OTUD7A: variants seen among roughly 807,000 people sequenced by gnomAD.
OTUD7A encodes the protein OTU deubiquitinase 7A, also known as OTU domain-containing protein 7A.
A neutral mutation model predicts 65.7 loss-of-function variants in OTUD7A; 12 were observed. That is an observed-to-expected ratio of 0.18 (90% confidence interval 0.12 to 0.30). The LOEUF (loss-of-function observed/expected upper bound fraction) is 0.30. Among genes scored for constraint, OTUD7A ranks in the 10% least tolerant of loss-of-function variants. The pLI, the probability that OTUD7A is intolerant of heterozygous loss-of-function variation, is 1.00. For missense variants in OTUD7A, 1,148 were observed against 1,304.8 expected, an observed-to-expected ratio of 0.88 and a Z score of 1.85; for synonymous variants, 641 against 586.3, an observed-to-expected ratio of 1.09 and a Z score of -1.35.
chr15:31,539,460 C>T (rs2141133399), intron 5 of OTUD7A, among the ~76,000 whole-genome samples: 1 of 152,308 alleles, frequency 6.6e-6, no homozygotes, highest in East Asian at 1.9e-4. Flanking sequence ...TGTACGTGAA[C>T]TGGCTGGGAA....
chr15:31,767,856 G>T, intron 1 of OTUD7A: 2 of 1,054,130 alleles, frequency 1.9e-6, no homozygotes, highest in Non-Finnish European at 2.9e-6. Context: ...AATTCTGGAT[G>T]CCTTCGTGGT....
intron 3 of OTUD7A, among the ~76,000 whole-genome samples, chr15:31,577,695 G>A (rs58975032): frequency 0.23 from 34,786 of 151,630 alleles, 4,274 homozygotes; most frequent in African/African-American, 0.31. Flanking sequence ...GCAAGACTCC[G>A]TCTCAAAAAA....
chr15:31,753,226 CTT>C (rs561126606), intron 1 of OTUD7A, among the ~76,000 whole-genome samples: 2,114 of 146,264 alleles, frequency 0.014, 61 homozygotes, highest in African/African-American at 0.051. Flanking sequence ...AGGCAAATGA[CTT>C]TTTTTTTTTA....
chr15:31,485,362 A>G (rs1392217980), intron 12 of OTUD7A, among the ~76,000 whole-genome samples: 1 of 152,364 alleles, frequency 6.6e-6, no homozygotes, highest in East Asian at 1.9e-4. Context: ...AAATCGCTTC[A>G]GGAGTTCCTT....
intron 3 of OTUD7A, among the ~76,000 whole-genome samples, chr15:31,629,424 T>A (rs886984688): frequency 5.3e-5 from 8 of 152,242 alleles, no homozygotes; most frequent in African/African-American, 1.9e-4. Flanking sequence ...TAACCAGCCT[T>A]GCATCCCAGG....
chr15:31,483,493 C>T lies in OTUD7A; in HGVS notation c.2603G>A (p.Gly868Asp). 1 of 1,396,992 alleles carries T rather than the reference C, an allele frequency of 7.2e-7. No homozygotes were observed. Among genetic ancestry groups the T allele is most frequent in the Non-Finnish European group, 9.3e-7 (1 of 1,073,738 alleles). 86.5% of individuals were successfully genotyped at this position (1,396,992 alleles called of 1,614,324 possible). Reference protein sequence around the residue: ...YTNGFGALRDGLEFADADAPT... With the variant: ...YTNGFGALRDDLEFADADAPT... Reference sequence around the variant, plus strand: ...CGCGTCGGCGTCGGCGAACTCCAGGCCGTCGCGCAGGGCGCCGAAGCCGTT... The same window carrying T: ...CGCGTCGGCGTCGGCGAACTCCAGGTCGTCGCGCAGGGCGCCGAAGCCGTT... Residue 868 changes from glycine (G) to aspartate (D), a missense_variant, in exon 13 of 13, where the codon GGC (glycine) becomes GAC (aspartate). Gly to Asp is a moderately conservative substitution (Grantham distance 94, BLOSUM62 -1). Around this residue, in one of 6 missense-constraint regions of OTUD7A, gnomAD observed 842 missense variants for 769.5 expected, o/e 1.09. Coordinates refer to ENST00000307050, the MANE Select transcript of OTUD7A (RefSeq NM_001382637.1).
intron 3 of OTUD7A, among the ~76,000 whole-genome samples, chr15:31,646,086 G>A (rs373114167): frequency 2.0e-5 from 3 of 152,250 alleles, no homozygotes; most frequent in Admixed American, 1.3e-4. Flanking sequence ...AGTGTTTAAC[G>A]ACATGACTCT....
intron 3 of OTUD7A, among the ~76,000 whole-genome samples, chr15:31,585,250 T>C (rs986473134): frequency 2.6e-5 from 4 of 152,228 alleles, no homozygotes; most frequent in Non-Finnish European, 5.9e-5. Flanking sequence ...TCTGCGTAAT[T>C]TGGGAACAGC....
At chr15:31,757,305 G>A (rs866824308) in intron 1 of OTUD7A, among the ~76,000 whole-genome samples, 3 of 151,278 alleles carry the variant, frequency 2.0e-5, no homozygotes, top group South Asian at 4.2e-4. Context: ...TGGAAATGGC[G>A]CCTTCCTCAT....
chr15:31,809,487 AAAACCTGAGCAG>A (rs1896365895), intron 1 of OTUD7A, among the ~76,000 whole-genome samples: 1 of 152,226 alleles, frequency 6.6e-6, no homozygotes, highest in African/African-American at 2.4e-5. Context: ...CTAGTGCAAT[AAAACCTGAGCAG>A]AAACCCAGTT....
At chr15:31,521,207 A>G (rs928460496) in intron 8 of OTUD7A, among the ~76,000 whole-genome samples, 4 of 152,186 alleles carry the variant, frequency 2.6e-5, no homozygotes, top group African/African-American at 9.7e-5. Flanking sequence ...AAAATCCCAG[A>G]CTTTACCACA....
chr15:31,839,641 A>G (rs1897137251), intron 1 of OTUD7A, among the ~76,000 whole-genome samples: 1 of 152,154 alleles, frequency 6.6e-6, no homozygotes, highest in Non-Finnish European at 1.5e-5. Context: ...ATGGCTCCAT[A>G]TTCCAGGGAC....
intron 1 of OTUD7A, chr15:31,767,095 T>C: frequency 1.3e-6 from 2 of 1,551,620 alleles, no homozygotes; most frequent in Non-Finnish European, 1.8e-6. Context: ...CTGTAGTCTC[T>C]CAGTAGAATC....
At chr15:31,646,924 A>G (rs957347819) in intron 3 of OTUD7A, among the ~76,000 whole-genome samples, 3 of 152,176 alleles carry the variant, frequency 2.0e-5, no homozygotes, top group African/African-American at 7.2e-5. Context: ...AATGGTCTTA[A>G]TGGGTCTGTT....
At chr15:31,865,032 C>G (rs986477577) in intron 1 of OTUD7A, among the ~76,000 whole-genome samples, 1 of 99,748 alleles carries the variant, frequency 1.0e-5, no homozygotes, top group Non-Finnish European at 2.4e-5. Flanking sequence ...GTGGCCCCCC[C>G]CTGGGGTTGT....
At chr15:31,659,041 GAATAAATAAATAAATA>G (rs199748846) in intron 1 of OTUD7A, among the ~76,000 whole-genome samples, 8,332 of 125,430 alleles carry the variant, frequency 0.066, 286 homozygotes, top group African/African-American at 0.082. Flanking sequence ...ATGAATGAAT[GAATAAATAAATAAATA>G]AATAAATAAA....
At chr15:31,830,170 C>T (rs1002180558) in intron 1 of OTUD7A, among the ~76,000 whole-genome samples, 1 of 152,186 alleles carries the variant, frequency 6.6e-6, no homozygotes, top group South Asian at 2.1e-4. Context: ...TAAATCAAAA[C>T]CTTCAAGAAG....
chr15:31,579,462 T>C lies in OTUD7A; in HGVS notation c.152-9265A>G, dbSNP rs929334178. On this transcript the variant is annotated intron_variant, in intron 3 of 12. Transcript: ENST00000307050. The stretch of plus-strand genomic sequence containing the variant: ...AGAATAGCTGATCTGATAACCGAGA[T>C]GGCCACTTAGTGATGAACGGGTGGG... Among the ~76,000 whole-genome samples the C allele has an allele frequency of 5.3e-5, 8 of 152,098 alleles. No individual in the cohort carries two copies. The South Asian group carries it at 8.3e-4, about 16-fold the overall frequency.
intron 8 of OTUD7A, among the ~76,000 whole-genome samples, chr15:31,521,424 G>T (rs941465281): frequency 6.6e-6 from 1 of 152,004 alleles, no homozygotes; most frequent in Non-Finnish European, 1.5e-5. Context: ...AATTTGAGCC[G>T]GGTCCCACAT....
Sources: allele counts gnomAD v4.1 joint callset (sites outside exome capture counted in the v4.1 genomes callset), GRCh38; gene constraint gnomAD v4.1.1; regional missense constraint gnomAD v4.1.1; transcripts MANE v1.5; gene names NCBI Gene and HGNC (gene_info 2026-07-23, HGNC 2026-07-21).